MMRN1: variants seen among roughly 807,000 people sequenced by gnomAD.
MMRN1 encodes multimerin 1.
MMRN1 carries 94 observed loss-of-function variants against 100.7 expected under a neutral mutation model. The observed-to-expected ratio is 0.93, with a 90% CI of 0.79 to 1.11. The LOEUF (loss-of-function observed/expected upper bound fraction) is 1.11, where lower values mean the gene tolerates loss of function less well. Among genes scored for constraint, MMRN1 ranks in the 50% least tolerant of loss-of-function variants. The pLI, the probability that MMRN1 is intolerant of heterozygous loss-of-function variation, is 0.00. For missense variants in MMRN1, 1,606 were observed against 1,439.1 expected, an observed-to-expected ratio of 1.12 and a Z score of -1.88; for synonymous variants, 575 against 505.0, an observed-to-expected ratio of 1.14 and a Z score of -1.86.
intron 5 of MMRN1, among the ~76,000 whole-genome samples, chr4:89,933,516 A>G (rs1722506404): frequency 6.6e-6 from 1 of 152,190 alleles, no homozygotes; most frequent in South Asian, 2.1e-4. Flanking sequence ...GGTAATTTAT[A>G]AAGAAAAAGA....
intron 1 of MMRN1, among the ~76,000 whole-genome samples, chr4:89,889,390 C>T (rs993187574): frequency 6.6e-6 from 1 of 152,072 alleles, no homozygotes; most frequent in Non-Finnish European, 1.5e-5. Flanking sequence ...AGTTTCCTTC[C>T]CCACTCTGCT....
At position 89,932,259 on chromosome 4, in the gene MMRN1, G is replaced by T. The variant is rs184950298; in HGVS notation, c.1130-2551G>T. On this transcript the variant is annotated intron_variant, in intron 5 of 7. Transcript: ENST00000264790. ...CATCCAGGTCACACTGATGCAAGAG[G>T]TGGGTCCCCATGGTGGTGGGCAGCT... 5.9e-5 allele frequency among the ~76,000 whole-genome samples: 9 copies of T among 152,290 alleles called. No homozygotes were observed. In the East Asian group the frequency reaches 1.4e-3, roughly 23 times the overall value.
chr4:89,950,309 T>C (rs1001794441), intron 6 of MMRN1, among the ~76,000 whole-genome samples: 6 of 152,146 alleles, frequency 3.9e-5, no homozygotes, highest in African/African-American at 1.2e-4. Context: ...AATTGAAGAA[T>C]TGTCTTTGTG....
intron 1 of MMRN1, among the ~76,000 whole-genome samples, 171 bp from the exon 2 acceptor site, chr4:89,909,105 G>A (rs1306738487): frequency 6.6e-6 from 1 of 151,362 alleles, no homozygotes; most frequent in Non-Finnish European, 1.5e-5. Flanking sequence ...CAGCAATACA[G>A]TAATAAGTTA....
At chr4:89,898,113 G>T (rs1469528698) in intron 1 of MMRN1, among the ~76,000 whole-genome samples, 1 of 152,010 alleles carries the variant, frequency 6.6e-6, no homozygotes, top group Non-Finnish European at 1.5e-5. Flanking sequence ...AAAAGCCTAG[G>T]TCCTTCACTT....
Position 89,888,045 on chromosome 4 carries a change from A to T in MMRN1, c.-248-6679A>T, listed in dbSNP as rs181129239. On this transcript the variant is annotated intron_variant, in intron 1 of 8. Transcript: ENST00000394980. ...TTTGTTCACATATTCATCTTTTTTGACTCTATAATAAAGATAATATCAATT... is the reference window on the plus strand; with the variant it reads ...TTTGTTCACATATTCATCTTTTTTGTCTCTATAATAAAGATAATATCAATT... 7.9e-5 allele frequency among the ~76,000 whole-genome samples: 12 copies of T among 151,786 alleles called. No individual in the cohort carries two copies. The East Asian group carries it at 2.1e-3, about 27-fold the overall frequency.
chr4:89,947,070 T>G (rs753887666), intron 6 of MMRN1, among the ~76,000 whole-genome samples: 12 of 151,986 alleles, frequency 7.9e-5, no homozygotes, highest in Non-Finnish European at 1.3e-4. Flanking sequence ...TCACCTGAGG[T>G]TGGAAGTTTG....
At chr4:89,944,502 A>G (rs948155578) in intron 6 of MMRN1, among the ~76,000 whole-genome samples, 6 of 152,236 alleles carry the variant, frequency 3.9e-5, no homozygotes, top group African/African-American at 1.4e-4. Flanking sequence ...ACAGACAATG[A>G]TGACACTATG....
chr4:89,951,709 A>G lies in MMRN1; in HGVS notation c.3223A>G (p.Asn1075Asp). 6.2e-7 allele frequency: 1 copy of G among 1,612,186 alleles called. No homozygotes were observed. The highest frequency in any genetic ancestry group is 8.5e-7 in the Non-Finnish European group (1 of 1,179,324). ...CTGCAGACATCCTTTTACTGGTGAC[A>G]ACTGCACTATCAAGCTTGTGGAAGA... ...CACRHPFTGD[N>D]CTIKLVEENA... The change falls in exon 7 of 8, where the codon AAC becomes GAC. Residue 1075 changes from asparagine (N) to aspartate (D), a missense_variant. Asn to Asp is a conservative substitution (Grantham distance 23). Coordinates refer to ENST00000264790, the MANE Select transcript of MMRN1 (RefSeq NM_007351.3).
intron 1 of MMRN1, among the ~76,000 whole-genome samples, chr4:89,899,619 G>A (rs1196409803): frequency 1.3e-5 from 2 of 152,082 alleles, no homozygotes; most frequent in African/African-American, 4.8e-5. Flanking sequence ...ATGAGGTAAT[G>A]ATACAATCTA....
chr4:89,925,941 T>G (rs2110619279), intron 4 of MMRN1, among the ~76,000 whole-genome samples: 1 of 152,320 alleles, frequency 6.6e-6, no homozygotes, highest in Non-Finnish European at 1.5e-5. Context: ...CGATCTCCAG[T>G]TCCATCCATG....
At position 89,927,843 on chromosome 4, in the gene MMRN1, T is replaced by G. The variant is rs140261262; in HGVS notation, c.1004T>G (p.Leu335Arg). The G allele has an allele frequency of 1.2e-5, 20 of 1,612,534 alleles. No individual in the cohort carries two copies. The highest frequency in any genetic ancestry group is 1.5e-5 in the Non-Finnish European group (18 of 1,179,324). The change falls in exon 5 of 8, where the codon CTG becomes CGG. Residue 335 changes from leucine to arginine, a missense_variant. Physicochemically the swap from Leu to Arg is moderately radical, Grantham distance 102. Transcript: ENST00000264790. ...TDQVNYQAMK[L>R]TLLQKKIDNI... ...CAGGTGAACTACCAGGCAATGAAAC[T>G]GACTCTTCTGCAGAAGAAGATTGAC... is the stretch of plus-strand genomic sequence containing the variant.
At chr4:89,937,021 T>G (rs935042653) in intron 6 of MMRN1, among the ~76,000 whole-genome samples, 1 of 152,090 alleles carries the variant, frequency 6.6e-6, no homozygotes, top group African/African-American at 2.4e-5. Flanking sequence ...TTTGGCTATG[T>G]GTTTTTAAAA....
chr4:89,891,131 G>A (rs79774007), upstream of MMRN1, among the ~76,000 whole-genome samples: 3,894 of 152,118 alleles, frequency 0.026, 85 homozygotes, highest in Non-Finnish European at 0.04. Context: ...TTTATTTTGA[G>A]AATAGATAAT....
At position 89,935,147 on chromosome 4, in the gene MMRN1, A is replaced by T; in HGVS notation, c.1467A>T (p.Glu489Asp). ...TAGAAGTAAAGCAGACTCATTTAGAAGGTGCTCTAGAACAGGAACACTCAA... is the reference window on the plus strand; with the variant it reads ...TAGAAGTAAAGCAGACTCATTTAGATGGTGCTCTAGAACAGGAACACTCAA... ...KELEVKQTHL[E>D]GALEQEHSRS... The change falls in exon 6 of 8, where the codon GAA becomes GAT. Residue 489 changes from glutamate (E) to aspartate (D), a missense_variant. Physicochemically the swap from Glu to Asp is conservative, Grantham distance 45. Transcript: ENST00000264790. The T allele has an allele frequency of 6.2e-7, 1 of 1,613,572 alleles. No homozygotes were observed. Among genetic ancestry groups the T allele is most frequent in the Non-Finnish European group, 8.5e-7 (1 of 1,179,718 alleles).
chr4:89,893,045 C>G (rs1433978984), upstream of MMRN1, among the ~76,000 whole-genome samples: 2 of 151,952 alleles, frequency 1.3e-5, no homozygotes, highest in African/African-American at 2.4e-5. Context: ...AAGCTAGTTT[C>G]TTCTGTGTTT....
intron 1 of MMRN1, among the ~76,000 whole-genome samples, chr4:89,903,788 G>C (rs1353951844): frequency 6.6e-6 from 1 of 151,116 alleles, no homozygotes; most frequent in Non-Finnish European, 1.5e-5. Context: ...TGGCTCCAGC[G>C]ACGAACTATG....
intron 1 of MMRN1, among the ~76,000 whole-genome samples, chr4:89,880,105 A>T (rs996641969): frequency 1.3e-5 from 2 of 152,190 alleles, no homozygotes; most frequent in African/African-American, 4.8e-5. Context: ...AGCTGTTTAC[A>T]TGTTTTCTAA....
intron 6 of MMRN1, among the ~76,000 whole-genome samples, chr4:89,944,957 A>T (rs2110649094): frequency 6.6e-6 from 1 of 152,270 alleles, no homozygotes; most frequent in Non-Finnish European, 1.5e-5. Context: ...ACCATAATCA[A>T]GATAGGGATC....
Sources: gnomAD v4.1 joint callset for allele counts (sites outside exome capture counted in the v4.1 genomes callset) on GRCh38, gnomAD v4.1.1 for gene constraint, MANE v1.5 for transcripts, NCBI Gene and HGNC (gene_info 2026-07-23, HGNC 2026-07-21) for gene names.